Variants in RNF38 observed in about 807,000 individuals in gnomAD.
RNF38 encodes E3 ubiquitin-protein ligase RNF38.
Under a neutral mutation model 67.2 loss-of-function variants are expected in RNF38, and 15 were observed. The observed-to-expected ratio is 0.22, with a 90% CI of 0.15 to 0.34. The LOEUF (loss-of-function observed/expected upper bound fraction) is 0.34. Ranked by LOEUF, RNF38 falls within the 10% of genes least tolerant of loss-of-function variation. The probability of loss-of-function intolerance (pLI) is 1.00; values close to 1 mark genes in which losing one functional copy is unlikely to be tolerated. For missense variants in RNF38, 524 were observed against 639.9 expected, an observed-to-expected ratio of 0.82 and a Z score of 1.95; for synonymous variants, 220 against 218.8, an observed-to-expected ratio of 1.01 and a Z score of -0.05.
In RNF38 at chr9:36,460,453, G is replaced by A. The variant is rs867430873; in HGVS notation, n.241+26855C>T. ...GTGTGTGTGTGCAAGTGCCTGCCCC[G>A]ACCCCATCACCAAGAACAGGGTTGA... On this transcript the variant is annotated intron_variant and non_coding_transcript_variant, in intron 1 of 3. Transcript: ENST00000488058. Among the ~76,000 whole-genome samples the A allele has an allele frequency of 5.3e-5, 8 of 152,148 alleles. No individual in the cohort carries two copies. The East Asian group carries it at 7.7e-4, about 15-fold the overall frequency.
chr9:36,462,813 T>C (rs1345002036), intron 1 of RNF38, among the ~76,000 whole-genome samples: 2 of 151,916 alleles, frequency 1.3e-5, no homozygotes, highest in Admixed American at 6.6e-5. Context: ...TAGCTAGGAC[T>C]ACAGGCGGGC....
intron 11 of RNF38, among the ~76,000 whole-genome samples, chr9:36,341,217 G>A (rs184504375): frequency 2.6e-5 from 4 of 152,124 alleles, no homozygotes; most frequent in East Asian, 1.9e-4. Flanking sequence ...TCAGCCACAC[G>A]GAACTTGTGG....
chr9:36,398,936 C>A (rs1017564349), intron 1 of RNF38, among the ~76,000 whole-genome samples: 3 of 152,160 alleles, frequency 2.0e-5, no homozygotes, highest in African/African-American at 7.2e-5. Flanking sequence ...CCCACACTTT[C>A]CACTCACAGC....
At chr9:36,390,884 T>C (rs1837029754) in intron 1 of RNF38, among the ~76,000 whole-genome samples, 1 of 152,202 alleles carries the variant, frequency 6.6e-6, no homozygotes, top group Non-Finnish European at 1.5e-5. Flanking sequence ...TACCTATTGG[T>C]AACTTTTTCT....
intron 10 of RNF38, among the ~76,000 whole-genome samples, chr9:36,343,550 G>A (rs1348004585): frequency 6.6e-6 from 1 of 151,798 alleles, no homozygotes; most frequent in African/African-American, 2.4e-5. Flanking sequence ...CAAATCTGCA[G>A]GAAATACCAC....
intron 10 of RNF38, among the ~76,000 whole-genome samples, chr9:36,344,294 T>A (rs1231820251): frequency 6.6e-6 from 1 of 152,184 alleles, no homozygotes. Flanking sequence ...GGATTACATG[T>A]GTGAGCCACT....
intron 9 of RNF38, among the ~76,000 whole-genome samples, chr9:36,347,912 T>C (rs1442898730): frequency 2.0e-5 from 3 of 151,770 alleles, no homozygotes; most frequent in Admixed American, 2.0e-4. Context: ...CCGTCTCTAC[T>C]AAAAATACAA....
At chr9:36,482,625 T>C (rs1372448163) in intron 1 of RNF38, among the ~76,000 whole-genome samples, 1 of 152,206 alleles carries the variant, frequency 6.6e-6, no homozygotes, top group East Asian at 1.9e-4. Context: ...AGTGCTGGGA[T>C]TATAAGCGTG....
chr9:36,419,573 C>T (rs1330610704), intron 2 of RNF38, among the ~76,000 whole-genome samples: 2 of 152,234 alleles, frequency 1.3e-5, no homozygotes, highest in African/African-American at 4.8e-5. Context: ...ATCTCATTCT[C>T]AGGTCAGACC....
chr9:36,366,184 T>A (rs1834941866), intron 4 of RNF38, among the ~76,000 whole-genome samples: 1 of 152,098 alleles, frequency 6.6e-6, no homozygotes, highest in African/African-American at 2.4e-5. Flanking sequence ...CCCTATCATT[T>A]AAAAAAAATT....
chr9:36,351,077 C>G, intron 9 of RNF38, 38 bp downstream of exon 9: 2 of 1,408,816 alleles, frequency 1.4e-6, no homozygotes, highest in Non-Finnish European at 2.0e-6. Flanking sequence ...TTCATGCACA[C>G]AATATTCCCC....
chr9:36,458,084 G>T (rs1457624190), intron 1 of RNF38, among the ~76,000 whole-genome samples: 1 of 152,168 alleles, frequency 6.6e-6, no homozygotes. Context: ...CACAACAAAG[G>T]TTGCCTCTCC....
At chr9:36,442,962 G>A (rs539046203) in intron 1 of RNF38, among the ~76,000 whole-genome samples, 52 of 152,178 alleles carry the variant, frequency 3.4e-4, no homozygotes, top group Non-Finnish European at 6.5e-4. Flanking sequence ...AATGAGATTA[G>A]TAAGTCCTCC....
intron 4 of RNF38, 48 bp downstream of exon 4, chr9:36,369,671 G>A: frequency 2.8e-6 from 4 of 1,421,236 alleles, no homozygotes; most frequent in Non-Finnish European, 2.8e-6. Flanking sequence ...ATCTCAAACT[G>A]CCACAAAATT....
chr9:36,449,362 C>A (rs2059389678), intron 1 of RNF38, among the ~76,000 whole-genome samples: 1 of 151,760 alleles, frequency 6.6e-6, no homozygotes, highest in Non-Finnish European at 1.5e-5. Flanking sequence ...GCCCAGGAGT[C>A]TGAGGTTGAA....
rs750761594 is a variant in RNF38 at position 36,357,871 on chromosome 9, T to C, written c.642A>G (p.Thr214=). The change falls in exon 5 of 12, where the codon ACA becomes ACG. Residue 214 remains threonine (T), a synonymous_variant. Coordinates refer to ENST00000259605, the MANE Select transcript of RNF38 (RefSeq NM_022781.5). The part of the protein sequence containing the change: ...TVAPHGIPLC[T]GQHIPACSTQ... Reference sequence around the variant, plus strand: ...TACTACAAGCAGGGATGTGCTGGCCTGTGCAGAGTGGAATCCCATGTGGTG... The same window carrying C: ...TACTACAAGCAGGGATGTGCTGGCCCGTGCAGAGTGGAATCCCATGTGGTG... The C allele has an allele frequency of 1.2e-6, 2 of 1,614,044 alleles. No individual in the cohort carries two copies. The highest frequency in any genetic ancestry group is 1.7e-6 in the Non-Finnish European group (2 of 1,179,920).
At chr9:36,456,688 T>C (rs1490565231) in intron 1 of RNF38, among the ~76,000 whole-genome samples, 1 of 152,072 alleles carries the variant, frequency 6.6e-6, no homozygotes, top group Non-Finnish European at 1.5e-5. Context: ...CTAAATCTAA[T>C]GAATACTCAT....
rs1026632835 is a variant in RNF38, at chr9:36,337,840, A to C, written c.*1912T>G. On this transcript the variant is annotated 3_prime_UTR_variant, in exon 12 of 12. Transcript: ENST00000259605. The stretch of plus-strand genomic sequence containing the variant: ...ATTTAGAAGTATTTCTGATGCACTG[A>C]CAACCCTAGGGGCAAACACAGTATG... The C allele has an allele frequency of 6.5e-6, 1 of 152,672 alleles. No individual in the cohort carries two copies. The highest frequency in any genetic ancestry group is 1.5e-5 in the Non-Finnish European group (1 of 68,042). The allele number at this position is 152,672 out of a possible 1,614,324, so 9.5% of individuals were successfully genotyped here.
rs1832630962 is a variant in RNF38 at position 36,338,767 on chromosome 9, A to T, written c.*985T>A. ...GACTACAAATCTAAACATTAAAAAA[A>T]ATCACAGGTACTTTCTGTAAGAAAC... is the stretch of plus-strand genomic sequence containing the variant. On this transcript the variant is annotated 3_prime_UTR_variant, in exon 12 of 12. Coordinates refer to ENST00000259605, the MANE Select transcript of RNF38 (RefSeq NM_022781.5). 6.6e-6 allele frequency: 1 copy of T among 152,626 alleles called. No individual in the cohort carries two copies. Among genetic ancestry groups the T allele is most frequent in the Admixed American group, 6.5e-5 (1 of 15,270 alleles). 9.5% of individuals were successfully genotyped at this position (152,626 alleles called of 1,614,324 possible).
Sources: gnomAD v4.1 joint callset for allele counts (sites outside exome capture counted in the v4.1 genomes callset) on GRCh38, gnomAD v4.1.1 for gene constraint, MANE v1.5 for transcripts, NCBI Gene and HGNC (gene_info 2026-07-23, HGNC 2026-07-21) for gene names.